Variants in VPS13B observed in about 807,000 individuals in gnomAD.
The protein encoded by VPS13B is vacuolar protein sorting 13 homolog B.
A neutral mutation model predicts 426.4 loss-of-function variants in VPS13B; 285 were observed. The observed-to-expected ratio is 0.67, with a 90% CI of 0.61 to 0.74. The LOEUF is 0.74. VPS13B is among the 30% of genes least tolerant of loss of function. The pLI, the probability that VPS13B is intolerant of heterozygous loss-of-function variation, is 0.00. For missense variants in VPS13B, 4,537 were observed against 4,782.6 expected, an observed-to-expected ratio of 0.95 and a Z score of 1.51; for synonymous variants, 1,676 against 1,676.4, an observed-to-expected ratio of 1.00 and a Z score of 0.01.
chr8:99,463,690 T>C (rs971363414), intron 23 of VPS13B, among the ~76,000 whole-genome samples: 1 of 152,198 alleles, frequency 6.6e-6, no homozygotes, highest in African/African-American at 2.4e-5. Flanking sequence ...TATCTTTAAC[T>C]GTCTATTTTA....
Position 99,143,043 on chromosome 8 carries a change from C to T in VPS13B, c.1721C>T (p.Thr574Ile). The change falls in exon 13 of 62, where the codon ACC becomes ATC. Residue 574 changes from threonine (T) to isoleucine (I), a missense_variant. This residue lies in a region of VPS13B where 4,311 missense variants were observed against 4,474.3 expected (regional missense o/e 0.96). Coordinates refer to ENST00000357162, the MANE Select transcript of VPS13B (RefSeq NM_152564.5). ...TTGGGAACAGTTCAGGAGAAGTCCA[C>T]CAAAAGCCTTGTTATAGGTCCTCTT... Reference protein sequence around the residue: ...EDLGTVQEKSTKSLVIGPLDF... With the variant: ...EDLGTVQEKSIKSLVIGPLDF... The T allele has an allele frequency of 6.2e-7, 1 of 1,614,020 alleles. No individual in the cohort carries two copies. The highest frequency in any genetic ancestry group is 8.5e-7 in the Non-Finnish European group (1 of 1,179,948).
chr8:99,286,024 C>G (rs1588209087), intron 19 of VPS13B, among the ~76,000 whole-genome samples: 1 of 152,120 alleles, frequency 6.6e-6, no homozygotes, highest in Non-Finnish European at 1.5e-5. Context: ...TCCTCCCCAT[C>G]CCTTTCCTCT....
chr8:99,530,927 A>C (rs1450710693), intron 30 of VPS13B, among the ~76,000 whole-genome samples: 2 of 152,182 alleles, frequency 1.3e-5, no homozygotes, highest in Non-Finnish European at 2.9e-5. Context: ...TGAGTTTCTT[A>C]TAAGATGTAC....
chr8:99,371,518 G>A (rs750561757), intron 19 of VPS13B, among the ~76,000 whole-genome samples: 18 of 152,180 alleles, frequency 1.2e-4, no homozygotes, highest in Non-Finnish European at 1.9e-4. Context: ...GTCACGTAGC[G>A]TGATGCCTCC....
At chr8:99,135,226 A>C in intron 10 of VPS13B, 89 bp downstream of exon 10, 1 of 1,540,144 alleles carries the variant, frequency 6.5e-7, no homozygotes, top group Non-Finnish European at 8.9e-7. Flanking sequence ...TATCTGTTAG[A>C]CTATATATAT....
At chr8:99,671,714 G>C (rs1830724620) in intron 35 of VPS13B, among the ~76,000 whole-genome samples, 1 of 152,056 alleles carries the variant, frequency 6.6e-6, no homozygotes, top group African/African-American at 2.4e-5. Flanking sequence ...CTGGAGTGCG[G>C]TGGTGTGATC....
intron 19 of VPS13B, among the ~76,000 whole-genome samples, chr8:99,357,535 T>A (rs992890537): frequency 6.6e-6 from 1 of 152,162 alleles, no homozygotes; most frequent in Admixed American, 6.5e-5. Flanking sequence ...TAATAAAGTT[T>A]TTTTGGTTTG....
intron 39 of VPS13B, among the ~76,000 whole-genome samples, chr8:99,735,649 A>G (rs1833792446): frequency 6.6e-6 from 1 of 152,120 alleles, no homozygotes; most frequent in East Asian, 1.9e-4. Flanking sequence ...ATAAATCTCA[A>G]TTGTTTTAAG....
At chr8:99,821,213 TAAA>T (rs999247733) in intron 49 of VPS13B, 78 bp from the exon 50 acceptor site, 1 of 1,294,928 alleles carries the variant, frequency 7.7e-7, no homozygotes, top group East Asian at 3.2e-5. Context: ...TATATAATAT[TAAA>T]AAAAAAATCC....
At chr8:99,459,953 A>G (rs1373841273) in intron 23 of VPS13B, among the ~76,000 whole-genome samples, 2 of 152,122 alleles carry the variant, frequency 1.3e-5, no homozygotes, top group African/African-American at 2.4e-5. Context: ...TTAATAGTAT[A>G]CCTTTTTCCA....
chr8:99,107,608 T>A (rs947507303), intron 5 of VPS13B, among the ~76,000 whole-genome samples: 7 of 152,184 alleles, frequency 4.6e-5, no homozygotes, highest in Non-Finnish European at 8.8e-5. Flanking sequence ...TCATCTCCCA[T>A]GTGGTTGACA....
intron 15 of VPS13B, among the ~76,000 whole-genome samples, chr8:99,166,073 G>A (rs931465434): frequency 2.6e-5 from 4 of 152,084 alleles, no homozygotes; most frequent in Admixed American, 6.5e-5. Context: ...TCCGCCTCCC[G>A]GGTTCAAGTG....
chr8:99,342,667 C>T (rs1444775511), intron 19 of VPS13B, among the ~76,000 whole-genome samples: 1 of 152,150 alleles, frequency 6.6e-6, no homozygotes. Flanking sequence ...TAGGCTGATA[C>T]CATATCTTGT....
intron 43 of VPS13B, among the ~76,000 whole-genome samples, chr8:99,795,924 C>T (rs1812788091): frequency 6.6e-6 from 1 of 152,138 alleles, no homozygotes; most frequent in African/African-American, 2.4e-5. Flanking sequence ...CTACACAGAT[C>T]TGTCCTATTC....
chr8:99,123,029 G>A (rs1848022183), intron 8 of VPS13B, among the ~76,000 whole-genome samples: 1 of 151,096 alleles, frequency 6.6e-6, no homozygotes, highest in African/African-American at 2.4e-5. Flanking sequence ...GCTAAGGCAG[G>A]AGAATTGCTT....
chr8:99,331,744 T>C (rs1223741139), intron 19 of VPS13B, among the ~76,000 whole-genome samples: 2 of 151,666 alleles, frequency 1.3e-5, no homozygotes, highest in Non-Finnish European at 3.0e-5. Context: ...AAATTTAAGG[T>C]TGGAAATGAA....
intron 19 of VPS13B, among the ~76,000 whole-genome samples, chr8:99,359,191 C>G (rs1018823950): frequency 2.6e-5 from 4 of 152,178 alleles, no homozygotes; most frequent in South Asian, 2.1e-4. Flanking sequence ...CCTTAAAACA[C>G]AATTTTAATG....
chr8:99,564,922 T>C (rs1825111565), intron 31 of VPS13B, among the ~76,000 whole-genome samples: 2 of 152,210 alleles, frequency 1.3e-5, no homozygotes, highest in South Asian at 4.1e-4. Context: ...AATCACTTTC[T>C]TTTTCTTTTT....
At chr8:99,740,996 G>A (rs1343039765) in intron 39 of VPS13B, among the ~76,000 whole-genome samples, 1 of 152,104 alleles carries the variant, frequency 6.6e-6, no homozygotes, top group Non-Finnish European at 1.5e-5. Context: ...ATGTAAATGG[G>A]CTAAATGCTC....
Sources: allele counts gnomAD v4.1 joint callset (sites outside exome capture counted in the v4.1 genomes callset), GRCh38; gene constraint gnomAD v4.1.1; regional missense constraint gnomAD v4.1.1; transcripts MANE v1.5; gene names NCBI Gene and HGNC (gene_info 2026-07-23, HGNC 2026-07-21).